CIMAP2: variants seen among roughly 807,000 people sequenced by gnomAD.
The protein encoded by CIMAP2 is ciliary microtubule associated protein 2, also known as ciliary microtubule-associated protein 2.
chr1:54,819,920 TC>T, the CIMAP2 span, among the ~76,000 whole-genome samples: 69 of 100,898 alleles, frequency 6.8e-4, 1 homozygote, highest in East Asian at 5.9e-3. Flanking sequence ...CTTCCCTCCC[TC>T]CCCCCCATAT....
the CIMAP2 span, chr1:54,811,869 C>T: frequency 1.2e-5 from 19 of 1,610,750 alleles, no homozygotes; most frequent in South Asian, 6.6e-5. Flanking sequence ...TGCCTGGAAC[C>T]GGTCTCATTC....
chr1:54,813,181 T>G, the CIMAP2 span, among the ~76,000 whole-genome samples: 1 of 151,984 alleles, frequency 6.6e-6, no homozygotes, highest in Non-Finnish European at 1.5e-5. Flanking sequence ...CACAGCAAAA[T>G]TGAGTGGAAA....
the CIMAP2 span, chr1:54,806,940 A>G: frequency 6.6e-7 from 1 of 1,524,186 alleles, no homozygotes. Context: ...AGAACTGCCC[A>G]CGCCAGGGCC....
the CIMAP2 span, among the ~76,000 whole-genome samples, chr1:54,820,603 G>A: frequency 6.6e-6 from 1 of 152,066 alleles, no homozygotes; most frequent in African/African-American, 2.4e-5. Context: ...GTTACTTCTT[G>A]TCTTTTTGAT....
chr1:54,807,539 C>T, the CIMAP2 span: 6 of 1,576,710 alleles, frequency 3.8e-6, no homozygotes, highest in African/African-American at 6.8e-5. Flanking sequence ...CACATAGGCC[C>T]TGGGACTTAC....
the CIMAP2 span, chr1:54,812,146 G>A: frequency 6.2e-7 from 1 of 1,614,236 alleles, no homozygotes; most frequent in East Asian, 2.2e-5. Flanking sequence ...ACTTTCTCTG[G>A]TGATCGGAGC....
chr1:54,806,238 C>A, the CIMAP2 span: 1 of 1,508,434 alleles, frequency 6.6e-7, no homozygotes, highest in East Asian at 2.6e-5. Flanking sequence ...CCGTTTGCGT[C>A]CTGGGCTCAC....
the CIMAP2 span, among the ~76,000 whole-genome samples, chr1:54,808,615 G>T: frequency 1.4e-5 from 2 of 138,720 alleles, 1 homozygote; most frequent in Non-Finnish European, 3.2e-5. Context: ...GTGCTGCCGG[G>T]GGAGGGCAGT....
the CIMAP2 span, chr1:54,841,894 C>T: frequency 1.9e-6 from 3 of 1,548,846 alleles, no homozygotes; most frequent in Non-Finnish European, 2.6e-6. Context: ...GAAGGACAGC[C>T]TGCAGTGACC....
At chr1:54,814,860 A>G in the CIMAP2 span, 2 of 1,610,578 alleles carry the variant, frequency 1.2e-6, no homozygotes, top group Non-Finnish European at 1.7e-6. Flanking sequence ...CCCTGGGCCC[A>G]GGCTGACACT....
chr1:54,826,976 T>TC, the CIMAP2 span, among the ~76,000 whole-genome samples: 29 of 152,392 alleles, frequency 1.9e-4, no homozygotes, highest in Admixed American at 1.5e-3. Context: ...AAAATTCCTT[T>TC]ATACTTTTAG....
At chr1:54,824,243 G>T in the CIMAP2 span, among the ~76,000 whole-genome samples, 2 of 152,154 alleles carry the variant, frequency 1.3e-5, no homozygotes, top group African/African-American at 4.8e-5. Context: ...GCCTAGGCAA[G>T]TCTTGAACTT....
At chr1:54,840,718 T>A in the CIMAP2 span, among the ~76,000 whole-genome samples, 7,261 of 152,328 alleles carry the variant, frequency 0.048, 588 homozygotes, top group African/African-American at 0.17. Context: ...GAATTTGCAT[T>A]TCTCCAGTGA....
chr1:54,823,123 C>T, the CIMAP2 span, among the ~76,000 whole-genome samples: 45 of 151,808 alleles, frequency 3.0e-4, no homozygotes, highest in Admixed American at 2.0e-3. Flanking sequence ...CTCATTTTTT[C>T]GTTGATTTTC....
chr1:54,821,886 C>CTTTTTTTTTTTTTTTT, the CIMAP2 span, among the ~76,000 whole-genome samples: 3 of 66,550 alleles, frequency 4.5e-5, no homozygotes, highest in Non-Finnish European at 8.2e-5. Context: ...CCTCTTATTT[C>CTTTTTTTTTTTTTTTT]TTTTTTTTTT....
chr1:54,831,640 C>T, the CIMAP2 span, among the ~76,000 whole-genome samples: 6,451 of 147,186 alleles, frequency 0.044, 405 homozygotes, highest in East Asian at 0.19. Context: ...GTGACAACAG[C>T]GAAACTCCAT....
At chr1:54,827,412 C>T in the CIMAP2 span, among the ~76,000 whole-genome samples, 24 of 152,284 alleles carry the variant, frequency 1.6e-4, no homozygotes, top group South Asian at 6.2e-4. Flanking sequence ...GCCCCATCCC[C>T]GCAGGACTCT....
the CIMAP2 span, chr1:54,813,750 G>A: frequency 6.7e-7 from 1 of 1,500,552 alleles, no homozygotes; most frequent in Non-Finnish European, 9.0e-7. Flanking sequence ...TTGCGGGGGA[G>A]GGTTGAGAAA....
chr1:54,825,160 C>T, the CIMAP2 span, among the ~76,000 whole-genome samples: 2 of 146,712 alleles, frequency 1.4e-5, no homozygotes, highest in African/African-American at 2.5e-5. Flanking sequence ...ATGCCATTCT[C>T]CTGCCTCAAC....
Sources: allele counts gnomAD v4.1 joint callset (sites outside exome capture counted in the v4.1 genomes callset), GRCh38; gene constraint gnomAD v4.1.1; transcripts MANE v1.5; gene names NCBI Gene and HGNC (gene_info 2026-07-23, HGNC 2026-07-21).